The following BAZ1A variants were observed in gnomAD, a reference collection of about 807,000 sequenced individuals.
BAZ1A encodes the protein bromodomain adjacent to zinc finger domain protein 1A.
Under a neutral mutation model 185.2 loss-of-function variants are expected in BAZ1A, and 50 were observed. That is an observed-to-expected ratio of 0.27 (90% CI 0.22 to 0.34). BAZ1A has a LOEUF of 0.34. Among genes scored for constraint, BAZ1A ranks in the 10% least tolerant of loss-of-function variants. BAZ1A has a pLI of 1.00. For missense variants in BAZ1A, 1,356 were observed against 1,839.9 expected, an observed-to-expected ratio of 0.74 and a Z score of 4.81; for synonymous variants, 571 against 615.6, an observed-to-expected ratio of 0.93 and a Z score of 1.07.
intron 12 of BAZ1A, among the ~76,000 whole-genome samples, chr14:34,786,832 TCCTGA>T (rs1301081344): frequency 6.6e-6 from 1 of 151,794 alleles, no homozygotes; most frequent in Non-Finnish European, 1.5e-5. Context: ...GGTCTCGAAC[TCCTGA>T]CCTCAGGTGA....
Position 34,765,171 on chromosome 14 carries a change from T to C in BAZ1A, c.3399A>G (p.Leu1133=), listed in dbSNP as rs1326379381. 14 of 1,614,060 alleles carry C rather than the reference T, an allele frequency of 8.7e-6. No individual in the cohort carries two copies. The highest frequency in any genetic ancestry group is 1.6e-4 in the Middle Eastern group (1 of 6,062). Residue 1133 remains leucine (L), a synonymous_variant, in exon 22 of 27, where the codon CTA becomes CTG. Coordinates refer to ENST00000360310, the MANE Select transcript of BAZ1A (RefSeq NM_013448.3). ...SASLSQVFLH[L]STLDRSVIWS... ...ATATCACGCTACGATCCAAGGTGGA[T>C]AGGTGAAGAAAAACTTGGGATAGAC...
intron 9 of BAZ1A, among the ~76,000 whole-genome samples, chr14:34,799,234 T>G (rs1343061307): frequency 1.2e-5 from 1 of 86,084 alleles, no homozygotes; most frequent in Non-Finnish European, 2.1e-5. Flanking sequence ...GGGCCTGTTG[T>G]GGGGTGGGGG....
At chr14:34,778,024 C>T (rs1879767293) in intron 17 of BAZ1A, among the ~76,000 whole-genome samples, 1 of 151,996 alleles carries the variant, frequency 6.6e-6, no homozygotes, top group African/African-American at 2.4e-5. Context: ...TGGGGCCGGC[C>T]AGATTTGGCA....
Position 34,872,278 on chromosome 14 carries a change from A to G in BAZ1A, c.113+2214T>C, listed in dbSNP as rs1399449205. On this transcript the variant is annotated intron_variant, in intron 2 of 26. Transcript: ENST00000360310. ...TAAAATGTTTAAATGCCCTAAGACT[A>G]CAAAGGATACAATTCCTTAATATTA... Among the ~76,000 whole-genome samples, 5 of 152,226 alleles carry G rather than the reference A, an allele frequency of 3.3e-5. No individual in the cohort carries two copies. In the East Asian group the frequency reaches 5.8e-4, roughly 18 times the overall value.
intron 3 of BAZ1A, among the ~76,000 whole-genome samples, chr14:34,838,891 T>TACTGATGATAA (rs2138750738): frequency 6.6e-6 from 1 of 152,256 alleles, no homozygotes; most frequent in Non-Finnish European, 1.5e-5. Flanking sequence ...AATTTTAAAA[T>TACTGATGATAA]ACTGATGATA....
intron 3 of BAZ1A, among the ~76,000 whole-genome samples, chr14:34,840,761 C>G (rs1006038710): frequency 7.8e-6 from 1 of 128,222 alleles, no homozygotes; most frequent in African/African-American, 2.9e-5. Flanking sequence ...TGTCTCCCCC[C>G]CAAAAACAAA....
chr14:34,791,909 A>G (rs1880870181), intron 12 of BAZ1A, among the ~76,000 whole-genome samples: 1 of 152,242 alleles, frequency 6.6e-6, no homozygotes, highest in Non-Finnish European at 1.5e-5. Flanking sequence ...TGCCTCAAGA[A>G]TTATTCCTAC....
intron 3 of BAZ1A, among the ~76,000 whole-genome samples, chr14:34,839,585 TG>T (rs1399805550): frequency 1.4e-5 from 2 of 147,886 alleles, no homozygotes; most frequent in African/African-American, 5.0e-5. Flanking sequence ...GGCTCACACC[TG>T]TAATCCCAGC....
intron 3 of BAZ1A, among the ~76,000 whole-genome samples, chr14:34,856,281 A>G (rs2042676098): frequency 7.0e-6 from 1 of 143,724 alleles, no homozygotes; most frequent in Non-Finnish European, 1.5e-5. Flanking sequence ...AACTGAACTC[A>G]AGAGCATCTT....
chr14:34,802,864 T>C lies in BAZ1A; in HGVS notation c.851A>G (p.His284Arg), dbSNP rs1881639861. ...RRRGRPPKRI[H>R]ISQEDNVANK... ...CAATTCTGTACTTACTTGACTAATA[T>C]GTATTCGTTTGGGAGGTCTCCCTCT... The change falls in exon 7 of 27, where the codon CAT becomes CGT. Residue 284 changes from histidine (H) to arginine (R), a missense_variant. This residue lies in a region of BAZ1A where 332 missense variants were observed against 395.3 expected (regional missense o/e 0.84). Transcript: ENST00000360310. 2 of 1,613,056 alleles carry C rather than the reference T, an allele frequency of 1.2e-6. No individual in the cohort carries two copies. The highest frequency in any genetic ancestry group is 1.7e-6 in the Non-Finnish European group (2 of 1,179,324).
At chr14:34,868,898 ATGTGTGTGTG>A (rs3062620) in intron 2 of BAZ1A, among the ~76,000 whole-genome samples, 3 of 96,124 alleles carry the variant, frequency 3.1e-5, no homozygotes, top group African/African-American at 6.5e-5. Context: ...GTAAGTATGT[ATGTGTGTGTG>A]TGTGTGTGTG....
At position 34,762,232 on chromosome 14, in the gene BAZ1A, ATT is replaced by A; in HGVS notation, c.3777-11_3777-10del. On this transcript the variant is annotated splice_polypyrimidine_tract_variant and intron_variant, in intron 23 of 26. Transcript: ENST00000360310. ...TTCCTCGTTTGGGTAGGCTATAAAT[ATT>A]GTTAGAAAACACAATTATTGTACAG... 2 of 1,610,276 alleles carry A rather than the reference ATT, an allele frequency of 1.2e-6. No homozygotes were observed. Among genetic ancestry groups the A allele is most frequent in the Middle Eastern group, 3.3e-4 (2 of 6,036 alleles).
intron 4 of BAZ1A, chr14:34,816,777 C>T (rs193255197): frequency 6.8e-6 from 3 of 439,130 alleles, no homozygotes; most frequent in Admixed American, 2.5e-5. Context: ...TGAGTCAGGA[C>T]TGTCTATCAA....
intron 4 of BAZ1A, among the ~76,000 whole-genome samples, chr14:34,818,279 T>C (rs1171945109): frequency 6.6e-6 from 1 of 152,080 alleles, no homozygotes; most frequent in African/African-American, 2.4e-5. Context: ...ATATCTAGAA[T>C]AGAAAATTCA....
chr14:34,811,483 C>CA (rs1412111413), intron 4 of BAZ1A, among the ~76,000 whole-genome samples: 2 of 151,708 alleles, frequency 1.3e-5, no homozygotes, highest in Non-Finnish European at 2.9e-5. Flanking sequence ...TTTTAAGAGA[C>CA]AGAGTCTCGC....
chr14:34,856,684 C>T (rs1361398184), intron 3 of BAZ1A, among the ~76,000 whole-genome samples: 1 of 151,556 alleles, frequency 6.6e-6, no homozygotes, highest in East Asian at 2.0e-4. Flanking sequence ...ATAGTGAAAC[C>T]CCATCTCTAC....
intron 12 of BAZ1A, among the ~76,000 whole-genome samples, chr14:34,788,164 C>A (rs1566562342): frequency 6.6e-6 from 1 of 151,956 alleles, no homozygotes; most frequent in Non-Finnish European, 1.5e-5. Context: ...ATTACAGGCA[C>A]CCGCCACCAC....
rs71671684 is a variant in BAZ1A, at chr14:34,813,215, A to AAC, written c.537-2181_537-2180dup. Among the ~76,000 whole-genome samples the AAC allele has an allele frequency of 5.2e-3, 780 of 149,994 alleles. 4 individuals are homozygous for AAC. The highest frequency in any genetic ancestry group is 0.015 in the East Asian group (75 of 5,056). ...CTTGGCAACATGGGGAAACCTACAA[A>AAC]ACACACACACACACACACACACAAA... On this transcript the variant is annotated intron_variant, in intron 4 of 26. Transcript: ENST00000360310.
At chr14:34,816,317 G>A in intron 4 of BAZ1A, among the ~76,000 whole-genome samples, 1 of 151,994 alleles carries the variant, frequency 6.6e-6, no homozygotes, top group South Asian at 2.1e-4. Flanking sequence ...TTGATCTCCT[G>A]ACCTCGTGAT....
Sources: allele counts gnomAD v4.1 joint callset (sites outside exome capture counted in the v4.1 genomes callset), GRCh38; gene constraint gnomAD v4.1.1; regional missense constraint gnomAD v4.1.1; transcripts MANE v1.5; gene names NCBI Gene and HGNC (gene_info 2026-07-23, HGNC 2026-07-21).